Variants in RGS6 observed in about 807,000 individuals in gnomAD.
The protein encoded by RGS6 is regulator of G-protein signaling 6.
A neutral mutation model predicts 78.5 loss-of-function variants in RGS6; 30 were observed. The observed-to-expected ratio is 0.38, with a 90% CI of 0.29 to 0.52. The LOEUF (loss-of-function observed/expected upper bound fraction) is 0.52. Among genes scored for constraint, RGS6 ranks in the 20% least tolerant of loss-of-function variants. The pLI, the probability that RGS6 is intolerant of heterozygous loss-of-function variation, is 0.85. For synonymous variants in RGS6, 206 were observed against 206.0 expected (o/e 1.00, Z 0.00); for missense variants, 495 against 609.7 (o/e 0.81, Z 1.98).
chr14:72,001,895 CTTTTTTTTTT>C (rs59274317), intron 2 of RGS6, among the ~76,000 whole-genome samples: 2 of 92,552 alleles, frequency 2.2e-5, no homozygotes, highest in African/African-American at 4.4e-5. Flanking sequence ...ATCCATTAAT[CTTTTTTTTTT>C]TTTTTTTTTT....
intron 17 of RGS6, chr14:72,541,053 C>T (rs775286682): frequency 3.7e-6 from 5 of 1,336,442 alleles, no homozygotes; most frequent in Non-Finnish European, 4.9e-6. Flanking sequence ...TACTCAATCC[C>T]GCTCAATCAC....
intron 3 of RGS6, among the ~76,000 whole-genome samples, chr14:72,425,839 G>A (rs2094412708): frequency 6.6e-6 from 1 of 152,082 alleles, no homozygotes; most frequent in South Asian, 2.1e-4. Flanking sequence ...CCTGCTTATT[G>A]CTTTGTGGCT....
chr14:72,352,095 A>C lies in RGS6; in HGVS notation c.85A>C (p.Ile29Leu), dbSNP rs1566600490. The C allele has an allele frequency of 3.1e-6, 5 of 1,608,868 alleles. No homozygotes were observed. Among genetic ancestry groups the C allele is most frequent in the South Asian group, 1.1e-5 (1 of 90,188 alleles). Residue 29 changes from isoleucine (I) to leucine (L), a missense_variant and splice_region_variant, in exon 3 of 18, where the codon ATT becomes CTT. Coordinates refer to ENST00000553525, the MANE Select transcript of RGS6 (RefSeq NM_001204424.2). Reference protein sequence around the residue: ...SSPNMIVYCKIEDIITKMQDD... With the variant: ...SSPNMIVYCKLEDIITKMQDD... ...ACTTCTTTTCTTTAACCTCTTTCAG[A>C]TTGAAGACATCATTACAAAGATGCA...
intron 13 of RGS6, among the ~76,000 whole-genome samples, chr14:72,506,423 A>C (rs750816683): frequency 4.4e-4 from 67 of 152,358 alleles, no homozygotes; most frequent in South Asian, 1.0e-3. Flanking sequence ...ATGGATGTTG[A>C]AAGATATTTT....
intron 12 of RGS6, among the ~76,000 whole-genome samples, chr14:72,479,664 T>C (rs1049941936): frequency 4.6e-5 from 7 of 152,200 alleles, no homozygotes; most frequent in Non-Finnish European, 1.5e-5. Flanking sequence ...GCTAGCTGTG[T>C]AGGCTGCAGA....
intron 1 of RGS6, among the ~76,000 whole-genome samples, chr14:71,947,268 G>A (rs1488734249): frequency 1.3e-5 from 2 of 152,106 alleles, no homozygotes; most frequent in Admixed American, 6.5e-5. Flanking sequence ...ATTTAACTTA[G>A]TTGGCATGAC....
At chr14:72,530,584 G>A (rs1350996942) in intron 15 of RGS6, among the ~76,000 whole-genome samples, 1 of 152,086 alleles carries the variant, frequency 6.6e-6, no homozygotes. Flanking sequence ...CCAGCTACTT[G>A]GGAGGCTGAG....
chr14:72,325,270 T>C (rs565449813), intron 2 of RGS6, among the ~76,000 whole-genome samples: 4 of 152,342 alleles, frequency 2.6e-5, no homozygotes, highest in Non-Finnish European at 4.4e-5. Flanking sequence ...GTCAGATGGG[T>C]ACATTGCAAA....
chr14:72,286,070 T>C (rs1267029251), intron 2 of RGS6, among the ~76,000 whole-genome samples: 1 of 152,224 alleles, frequency 6.6e-6, no homozygotes, highest in Non-Finnish European at 1.5e-5. Context: ...TGGTGTCACA[T>C]CCAAGAAATC....
chr14:72,080,012 T>C (rs2094749717), intron 2 of RGS6, among the ~76,000 whole-genome samples: 1 of 152,184 alleles, frequency 6.6e-6, no homozygotes, highest in Non-Finnish European at 1.5e-5. Context: ...TGCAGGCAAC[T>C]CTTCAGCACA....
intron 3 of RGS6, among the ~76,000 whole-genome samples, chr14:72,414,773 C>T (rs1352313206): frequency 6.6e-6 from 1 of 152,174 alleles, no homozygotes; most frequent in Non-Finnish European, 1.5e-5. Flanking sequence ...TTCTATCAGT[C>T]AGGACCCTCA....
the RGS6 span, among the ~76,000 whole-genome samples, chr14:71,921,122 TCAGA>T: frequency 2.0e-5 from 3 of 152,250 alleles, no homozygotes; most frequent in Admixed American, 6.5e-5. Flanking sequence ...TCACTAATCA[TCAGA>T]GAAATGCAAA....
chr14:72,290,388 T>C (rs988218342), intron 2 of RGS6, among the ~76,000 whole-genome samples: 3 of 152,238 alleles, frequency 2.0e-5, no homozygotes, highest in Admixed American at 6.5e-5. Context: ...CGGCATGTTT[T>C]CGATAGCTTC....
chr14:72,628,846 C>A, the RGS6 span, among the ~76,000 whole-genome samples: 14 of 152,254 alleles, frequency 9.2e-5, no homozygotes, highest in African/African-American at 3.4e-4. Context: ...GATCTGATTT[C>A]TTCAACAAAG....
intron 2 of RGS6, among the ~76,000 whole-genome samples, chr14:72,134,186 T>A (rs1317527174): frequency 6.6e-6 from 1 of 152,212 alleles, no homozygotes; most frequent in Non-Finnish European, 1.5e-5. Flanking sequence ...TTATTGAACA[T>A]CTCTGGTGAT....
At chr14:72,263,633 G>A (rs148356774) in intron 2 of RGS6, among the ~76,000 whole-genome samples, 78 of 152,264 alleles carry the variant, frequency 5.1e-4, no homozygotes, top group Admixed American at 2.3e-3. Context: ...TGGGATTAGT[G>A]CCCTTATCAA....
chr14:72,588,333 G>A, the RGS6 span, among the ~76,000 whole-genome samples: 2 of 152,148 alleles, frequency 1.3e-5, no homozygotes, highest in Admixed American at 6.5e-5. Flanking sequence ...AGACCTGGGA[G>A]GGACTGTCAC....
intron 2 of RGS6, among the ~76,000 whole-genome samples, chr14:71,997,000 T>A (rs2095231012): frequency 6.6e-6 from 1 of 152,138 alleles, no homozygotes; most frequent in Non-Finnish European, 1.5e-5. Flanking sequence ...TTGATATGCA[T>A]GATCCAAGGT....
At chr14:72,287,590 G>T (rs1008243600) in intron 2 of RGS6, among the ~76,000 whole-genome samples, 2 of 152,116 alleles carry the variant, frequency 1.3e-5, no homozygotes, top group Admixed American at 6.5e-5. Context: ...CCAAGTAGCT[G>T]GGACTATAGG....
Sources: allele counts gnomAD v4.1 joint callset (sites outside exome capture counted in the v4.1 genomes callset), GRCh38; gene constraint gnomAD v4.1.1; transcripts MANE v1.5; gene names NCBI Gene and HGNC (gene_info 2026-07-23, HGNC 2026-07-21).